Variants in INPP5B observed in about 807,000 individuals in gnomAD.
INPP5B encodes the protein inositol polyphosphate-5-phosphatase B.
Under a neutral mutation model 118.5 loss-of-function variants are expected in INPP5B, and 90 were observed. That is an observed-to-expected ratio of 0.76 (90% confidence interval 0.64 to 0.90). INPP5B has a LOEUF of 0.90. Ranked by LOEUF, INPP5B falls within the 40% of genes least tolerant of loss-of-function variation. The probability of loss-of-function intolerance (pLI) is 0.00; values close to 1 mark genes in which losing one functional copy is unlikely to be tolerated. For synonymous variants in INPP5B, 385 were observed against 418.9 expected, an observed-to-expected ratio of 0.92 and a Z score of 0.99; for missense variants, 984 against 1,125.6, an observed-to-expected ratio of 0.87 and a Z score of 1.80.
chr1:37,878,130 T>C, intron 16 of INPP5B, 58 bp downstream of exon 16: 1 of 1,586,012 alleles, frequency 6.3e-7, no homozygotes. Flanking sequence ...GAAATGGTCT[T>C]AGTTGTGAAA....
At chr1:37,940,619 G>A (rs1335471560) in intron 6 of INPP5B, 69 bp downstream of exon 6, 1 of 874,182 alleles carries the variant, frequency 1.1e-6, no homozygotes, top group Non-Finnish European at 1.9e-6. Flanking sequence ...AGGGTGGAGA[G>A]TCAACTGGGG....
rs564263055 is a variant in INPP5B at position 37,938,343 on chromosome 1, T to C, written c.391+2345A>G. Among the ~76,000 whole-genome samples the C allele has an allele frequency of 1.2e-3, 177 of 151,526 alleles. 2 individuals carry two copies. Among genetic ancestry groups the C allele is most frequent in the African/African-American group, 4.2e-3 (172 of 41,300 alleles). Reference sequence around the variant, plus strand: ...TTTAAAAAATTTTTTTAAAAAGGAGTAAATGAGATAATGTGTGAAAAGTTC... The same window carrying C: ...TTTAAAAAATTTTTTTAAAAAGGAGCAAATGAGATAATGTGTGAAAAGTTC... On this transcript the variant is annotated intron_variant, in intron 6 of 23. Transcript: ENST00000373024.
In INPP5B at chr1:37,872,956, G is replaced by C. The variant is rs1642553627; in HGVS notation, c.2161C>G (p.Leu721Val). The C allele has an allele frequency of 1.2e-6, 2 of 1,613,986 alleles. No homozygotes were observed. The highest frequency in any genetic ancestry group is 1.7e-6 in the Non-Finnish European group (2 of 1,179,892). Residue 721 changes from leucine (L) to valine (V), a missense_variant, in exon 19 of 24, where the codon CTA becomes GTA. By Grantham distance (32) the Leu-to-Val change is conservative. Around this residue, in one of 2 missense-constraint regions of INPP5B, gnomAD observed 634 missense variants for 791.0 expected, o/e 0.80. Transcript: ENST00000373024. ...AGCTCACTAATGGTTTCAAGTGGTA[G>C]GTCCAAGATTGGCTCTCTCATGTAA... ...LCYMREPILD[L>V]PLETISELTL...
At chr1:37,926,138 T>C (rs1216736056) in intron 7 of INPP5B, among the ~76,000 whole-genome samples, 1 of 152,252 alleles carries the variant, frequency 6.6e-6, no homozygotes, top group Non-Finnish European at 1.5e-5. Context: ...GCTTCTACTC[T>C]GGTAAACTAG....
chr1:37,911,713 G>A (rs976152343), intron 7 of INPP5B, among the ~76,000 whole-genome samples: 2 of 152,170 alleles, frequency 1.3e-5, no homozygotes, highest in African/African-American at 4.8e-5. Context: ...TATATGGGCA[G>A]AAAGAGGTTT....
chr1:37,876,110 T>G (rs1303894447), intron 16 of INPP5B, among the ~76,000 whole-genome samples: 2 of 150,360 alleles, frequency 1.3e-5, no homozygotes, highest in Non-Finnish European at 3.0e-5. Context: ...CAAGTTTGTT[T>G]TTTTTTTTTT....
At chr1:37,888,412 G>T in intron 9 of INPP5B, 68 bp from the exon 10 acceptor site, 1 of 902,468 alleles carries the variant, frequency 1.1e-6, no homozygotes. Flanking sequence ...AGCATTTTAT[G>T]CTGATTTATG....
chr1:37,876,956 T>A (rs1642869932), intron 16 of INPP5B, among the ~76,000 whole-genome samples: 1 of 150,900 alleles, frequency 6.6e-6, no homozygotes, highest in African/African-American at 2.4e-5. Context: ...GAGGCTGATG[T>A]ATGTGGGAGG....
At chr1:37,927,428 C>T (rs1028903557) in intron 7 of INPP5B, among the ~76,000 whole-genome samples, 2 of 152,206 alleles carry the variant, frequency 1.3e-5, no homozygotes, top group Non-Finnish European at 2.9e-5. Flanking sequence ...GCCACTCAAC[C>T]AAAAGCATTA....
Position 37,867,636 on chromosome 1 carries a change from A to G in INPP5B, c.2301+865T>C, listed in dbSNP as rs188253849. Among the ~76,000 whole-genome samples, 82 of 152,366 alleles carry G rather than the reference A, an allele frequency of 5.4e-4. No individual in the cohort carries two copies. The East Asian group carries it at 0.014, about 27-fold the overall frequency. On this transcript the variant is annotated intron_variant, in intron 20 of 23. Coordinates refer to ENST00000373024, the MANE Select transcript of INPP5B (RefSeq NM_005540.3). ...GGAAGAAAAGTGAAAATGGAATATCATAAGAATGTATATTTTTTTAAAAAA... is the reference window on the plus strand; with the variant it reads ...GGAAGAAAAGTGAAAATGGAATATCGTAAGAATGTATATTTTTTTAAAAAA...
At chr1:37,938,302 T>TAAATAAATAAATAAAA (rs1645781261) in intron 6 of INPP5B, among the ~76,000 whole-genome samples, 1 of 151,404 alleles carries the variant, frequency 6.6e-6, no homozygotes, top group African/African-American at 2.4e-5. Context: ...AATAAATAAA[T>TAAATAAATAAATAAAA]AAAATTAACA....
At chr1:37,883,816 G>T in intron 13 of INPP5B, 1 of 985,376 alleles carries the variant, frequency 1.0e-6, no homozygotes, top group Non-Finnish European at 1.2e-6. Context: ...GACAAGAGGC[G>T]TTAACTCTGT....
intron 7 of INPP5B, among the ~76,000 whole-genome samples, chr1:37,896,570 G>A (rs1329459729): frequency 6.8e-4 from 97 of 143,082 alleles, no homozygotes; most frequent in African/African-American, 2.1e-3. Context: ...CCCTCTGCCC[G>A]GCCAGCCGCT....
At chr1:37,913,947 T>G (rs900028479) in intron 7 of INPP5B, among the ~76,000 whole-genome samples, 1 of 152,098 alleles carries the variant, frequency 6.6e-6, no homozygotes, top group African/African-American at 2.4e-5. Flanking sequence ...CCCTAACTGA[T>G]AGGATATATT....
At position 37,907,390 on chromosome 1, in the gene INPP5B, C is replaced by G. The variant is rs1352618394; in HGVS notation, c.533-15936G>C. On this transcript the variant is annotated intron_variant, in intron 7 of 23. Coordinates refer to ENST00000373024, the MANE Select transcript of INPP5B (RefSeq NM_005540.3). The surrounding 1 kb of genome is among the most constrained non-coding windows in gnomAD (Gnocchi z 4.3). ...ATAGTTAGGCAGGAATATAATCGAC[C>G]TATTCAGCATGAAGAAGTTACAGAA... Among the ~76,000 whole-genome samples the G allele has an allele frequency of 6.6e-6, 1 of 152,196 alleles. No individual in the cohort carries two copies. Among genetic ancestry groups the G allele is most frequent in the Non-Finnish European group, 1.5e-5 (1 of 68,032 alleles).
intron 13 of INPP5B, chr1:37,884,322 C>G (rs1334928358): frequency 2.6e-5 from 4 of 151,706 alleles, no homozygotes; most frequent in Non-Finnish European, 5.9e-5. Context: ...CTCCTTTCTC[C>G]TCTCCTTTCC....
At chr1:37,926,100 G>A (rs900786646) in intron 7 of INPP5B, among the ~76,000 whole-genome samples, 5 of 152,086 alleles carry the variant, frequency 3.3e-5, no homozygotes, top group African/African-American at 4.8e-5. Context: ...AAACCACCCC[G>A]GGGGCTATTT....
rs965365620 is a variant in INPP5B, at chr1:37,872,918, C to T, written c.2187+12G>A. The T allele has an allele frequency of 5.7e-6, 9 of 1,589,634 alleles. No homozygotes were observed. Among genetic ancestry groups the T allele is most frequent in the African/African-American group, 1.3e-5 (1 of 74,482 alleles). On this transcript the variant is annotated intron_variant, in intron 19 of 23. Coordinates refer to ENST00000373024, the MANE Select transcript of INPP5B (RefSeq NM_005540.3). ...CAAAGTTCTAGATGTTTCTTTGTGG[C>T]ATATTACTCACCAGCTCACTAATGG...
intron 18 of INPP5B, chr1:37,873,392 C>T: frequency 1.8e-6 from 1 of 542,526 alleles, no homozygotes; most frequent in Non-Finnish European, 3.3e-6. Context: ...TTTGAATAGA[C>T]AAATGCTATA....
Sources: allele counts gnomAD v4.1 joint callset (sites outside exome capture counted in the v4.1 genomes callset), GRCh38; gene constraint gnomAD v4.1.1; regional missense constraint gnomAD v4.1.1; non-coding constraint Gnocchi (gnomAD v3.1); transcripts MANE v1.5; gene names NCBI Gene and HGNC (gene_info 2026-07-23, HGNC 2026-07-21).